Variants in SIL1 observed in about 807,000 individuals in gnomAD.
SIL1 encodes the protein nucleotide exchange factor SIL1.
Under a neutral mutation model 49.1 loss-of-function variants are expected in SIL1, and 40 were observed. The ratio of observed to expected loss-of-function variants is 0.81; its 90% CI spans 0.63 to 1.06. The LOEUF is 1.06. Among genes scored for constraint, SIL1 ranks in the 50% least tolerant of loss-of-function variants. The probability of loss-of-function intolerance (pLI) is 0.00; values close to 1 mark genes in which losing one functional copy is unlikely to be tolerated. For missense variants in SIL1, 500 were observed against 572.6 expected (o/e 0.87, Z 1.29); for synonymous variants, 253 against 250.8 (o/e 1.01, Z -0.08).
In SIL1 at chr5:139,147,817, C is replaced by T. The variant is rs75922781; in HGVS notation, c.-10-19964G>A. 6.9e-3 allele frequency among the ~76,000 whole-genome samples: 1,049 copies of T among 152,196 alleles called. 9 individuals are homozygous for T. The highest frequency in any genetic ancestry group is 0.024 in the African/African-American group (1,007 of 41,522). On this transcript the variant is annotated intron_variant, in intron 1 of 9. Coordinates refer to ENST00000394817, the MANE Select transcript of SIL1 (RefSeq NM_022464.5). ...CAACAAAATCACACTTTAAATATCC[C>T]CTAGTCTATTAGTTGCTTAATTAAA...
intron 7 of SIL1, among the ~76,000 whole-genome samples, chr5:138,986,080 A>C (rs1181054021): frequency 6.6e-6 from 1 of 152,192 alleles, no homozygotes; most frequent in African/African-American, 2.4e-5. Context: ...CAGCTACCCC[A>C]GGTGTCTGTT....
chr5:138,956,536 G>C (rs559078469), intron 7 of SIL1, among the ~76,000 whole-genome samples: 1 of 152,236 alleles, frequency 6.6e-6, no homozygotes, highest in African/African-American at 2.4e-5. Context: ...TTGAAATCAG[G>C]AGTCCAAGAC....
At chr5:139,128,651 CA>C (rs55731110) in intron 1 of SIL1, among the ~76,000 whole-genome samples, 36,754 of 125,832 alleles carry the variant, frequency 0.29, 5,369 homozygotes, top group Middle Eastern at 0.39. Flanking sequence ...CCCATCCCTC[CA>C]AAAAAAAAAA....
intron 7 of SIL1, among the ~76,000 whole-genome samples, chr5:138,980,887 A>T (rs1230114822): frequency 1.3e-5 from 2 of 152,126 alleles, no homozygotes; most frequent in Non-Finnish European, 2.9e-5. Context: ...TAATGCTGCC[A>T]TGGCAGCCTC....
intron 3 of SIL1, chr5:139,107,875 T>G (rs1308814585): frequency 6.6e-6 from 1 of 152,266 alleles, no homozygotes; most frequent in Non-Finnish European, 1.5e-5. Context: ...GCATTATTAC[T>G]ACCCCTATTT....
intron 4 of SIL1, among the ~76,000 whole-genome samples, chr5:139,043,561 T>G (rs1327255815): frequency 6.6e-6 from 1 of 152,228 alleles, no homozygotes; most frequent in East Asian, 1.9e-4. Flanking sequence ...AGGAATGGAT[T>G]TGAGATACTA....
chr5:139,086,985 A>T (rs1340305507), intron 3 of SIL1, among the ~76,000 whole-genome samples: 1 of 151,688 alleles, frequency 6.6e-6, no homozygotes, highest in Non-Finnish European at 1.5e-5. Context: ...ATAATTAATT[A>T]TATTTCTTTT....
At chr5:139,155,909 T>C (rs1751399855) in intron 1 of SIL1, among the ~76,000 whole-genome samples, 2 of 152,012 alleles carry the variant, frequency 1.3e-5, no homozygotes, top group Admixed American at 6.6e-5. Context: ...CTGGGCTCAC[T>C]GCAACCTCTG....
chr5:139,073,340 GA>G (rs1769876996), intron 3 of SIL1, among the ~76,000 whole-genome samples: 1 of 152,090 alleles, frequency 6.6e-6, no homozygotes, highest in Non-Finnish European at 1.5e-5. Flanking sequence ...AGAAAATATG[GA>G]ATACTGTTTA....
Position 138,948,357 on chromosome 5 carries a change from G to A in SIL1, c.1030-884C>T, listed in dbSNP as rs958361167. Among the ~76,000 whole-genome samples the A allele has an allele frequency of 4.6e-5, 7 of 152,108 alleles. No homozygotes were observed. The highest frequency in any genetic ancestry group is 8.8e-5 in the Non-Finnish European group (6 of 68,022). ...TTCACCCCTCAGTCCTGCCAGCTTC[G>A]CTTCCAAAACACACCCCAATTCTGT... On this transcript the variant is annotated intron_variant, in intron 9 of 9. Transcript: ENST00000394817. The surrounding 1 kb of genome is among the most constrained non-coding windows in gnomAD (Gnocchi z 4.8).
intron 3 of SIL1, among the ~76,000 whole-genome samples, chr5:139,116,808 G>T (rs1481516938): frequency 2.0e-5 from 3 of 152,216 alleles, no homozygotes; most frequent in African/African-American, 7.2e-5. Flanking sequence ...GACAACTATA[G>T]CCACTTATTG....
At chr5:139,093,067 G>A (rs1386372069) in intron 3 of SIL1, among the ~76,000 whole-genome samples, 1 of 152,136 alleles carries the variant, frequency 6.6e-6, no homozygotes, top group African/African-American at 2.4e-5. Context: ...AGGCTGAAAC[G>A]CGAGGACTTG....
intron 7 of SIL1, among the ~76,000 whole-genome samples, chr5:138,982,955 G>C (rs1220792158): frequency 6.6e-6 from 1 of 152,094 alleles, no homozygotes; most frequent in Non-Finnish European, 1.5e-5. Flanking sequence ...CCAGCACTTT[G>C]GGAGGCTGAG....
At chr5:139,172,301 C>T (rs1468436985) in intron 1 of SIL1, among the ~76,000 whole-genome samples, 6 of 152,174 alleles carry the variant, frequency 3.9e-5, no homozygotes, top group Non-Finnish European at 8.8e-5. Context: ...CACACCAAGA[C>T]ACATTATAAT....
intron 1 of SIL1, among the ~76,000 whole-genome samples, chr5:139,148,400 T>C (rs1353174468): frequency 6.6e-6 from 1 of 152,174 alleles, no homozygotes; most frequent in Non-Finnish European, 1.5e-5. Context: ...GAGCTTGTGA[T>C]AGGGATACCA....
chr5:139,025,216 T>C (rs1768618033), intron 6 of SIL1, among the ~76,000 whole-genome samples: 2 of 152,222 alleles, frequency 1.3e-5, no homozygotes, highest in Admixed American at 6.5e-5. Context: ...ATTGGCTCCT[T>C]GTTAGCTCCA....
intron 4 of SIL1, among the ~76,000 whole-genome samples, chr5:139,045,435 C>A (rs1769137667): frequency 6.6e-6 from 1 of 152,214 alleles, no homozygotes; most frequent in Non-Finnish European, 1.5e-5. Context: ...CCTTCTCCAA[C>A]TCTTGCTGGT....
chr5:139,194,863 T>G (rs1752235357), intron 1 of SIL1, among the ~76,000 whole-genome samples: 1 of 151,294 alleles, frequency 6.6e-6, no homozygotes, highest in South Asian at 2.1e-4. Flanking sequence ...GGTCAGAGTA[T>G]GAATCCACAA....
intron 7 of SIL1, among the ~76,000 whole-genome samples, chr5:139,010,817 G>C (rs202030990): frequency 0.088 from 13,184 of 150,638 alleles, 1,101 homozygotes; most frequent in East Asian, 0.48. Context: ...GCAGTCTGCC[G>C]GTTCTCAGAT....
Sources: gnomAD v4.1 joint callset for allele counts (sites outside exome capture counted in the v4.1 genomes callset) on GRCh38, gnomAD v4.1.1 for gene constraint, Gnocchi (gnomAD v3.1) non-coding constraint, MANE v1.5 for transcripts, NCBI Gene and HGNC (gene_info 2026-07-23, HGNC 2026-07-21) for gene names.